UBE2E1: variants seen among roughly 807,000 people sequenced by gnomAD.
UBE2E1 encodes ubiquitin-conjugating enzyme E2 E1.
A neutral mutation model predicts 21.4 loss-of-function variants in UBE2E1; 6 were observed. That is an observed-to-expected ratio of 0.28 (90% confidence interval 0.15 to 0.55). The LOEUF (loss-of-function observed/expected upper bound fraction) is 0.55. Among genes scored for constraint, UBE2E1 ranks in the 20% least tolerant of loss-of-function variants. The pLI, the probability that UBE2E1 is intolerant of heterozygous loss-of-function variation, is 0.93. For synonymous variants in UBE2E1, 87 were observed against 82.7 expected (o/e 1.05, Z -0.28); for missense variants, 142 against 236.5 (o/e 0.60, Z 2.62).
chr3:23,886,845 G>T (rs534844306), intron 3 of UBE2E1, among the ~76,000 whole-genome samples: 6 of 152,156 alleles, frequency 3.9e-5, no homozygotes, highest in Non-Finnish European at 1.5e-5. Flanking sequence ...TGCTGGGTGC[G>T]GTGGCACTCT....
chr3:23,854,243 CA>C (rs754330255), intron 3 of UBE2E1, among the ~76,000 whole-genome samples: 5,120 of 55,678 alleles, frequency 0.092, 62 homozygotes, highest in African/African-American at 0.17. Context: ...GACTCAGTCT[CA>C]AAAAAAAAAA....
chr3:23,886,151 G>T (rs938188010), intron 3 of UBE2E1, among the ~76,000 whole-genome samples: 3 of 152,182 alleles, frequency 2.0e-5, no homozygotes, highest in African/African-American at 4.8e-5. Flanking sequence ...AGTGACCCGA[G>T]ATCATGCCAC....
At chr3:23,889,311 C>T (rs780701553) in intron 5 of UBE2E1, 52 bp downstream of exon 5, 73 of 1,610,856 alleles carry the variant, frequency 4.5e-5, no homozygotes, top group Non-Finnish European at 6.0e-5. Context: ...CTGAAAAATA[C>T]TTGTTTCCAA....
chr3:23,816,370 A>G lies in UBE2E1; in HGVS notation c.203+4860A>G, dbSNP rs1201912043. On this transcript the variant is annotated intron_variant, in intron 3 of 5. Coordinates refer to ENST00000306627, the MANE Select transcript of UBE2E1 (RefSeq NM_003341.5). The surrounding 1 kb of genome is among the most constrained non-coding windows in gnomAD (Gnocchi z 4.8). ...CTGGAATATTCATCTATAAAAAGGA[A>G]TGAAGTTGTGATGCATGGATACAAC... Among the ~76,000 whole-genome samples, 3 of 152,224 alleles carry G rather than the reference A, an allele frequency of 2.0e-5. No individual in the cohort carries two copies. The highest frequency in any genetic ancestry group is 2.1e-4 in the South Asian group (1 of 4,830).
At chr3:23,851,112 ATTC>A (rs892964877) in intron 3 of UBE2E1, among the ~76,000 whole-genome samples, 5 of 152,112 alleles carry the variant, frequency 3.3e-5, no homozygotes, top group African/African-American at 1.2e-4. Context: ...GTTTGTGGCT[ATTC>A]TTTTGTTCCC....
At chr3:23,818,219 G>A (rs1053055017) in intron 3 of UBE2E1, among the ~76,000 whole-genome samples, 1 of 152,142 alleles carries the variant, frequency 6.6e-6, no homozygotes. Context: ...TGGCTTGAGG[G>A]AAAAAGGTTT....
intron 4 of UBE2E1, chr3:23,888,138 G>C (rs1181953732): frequency 2.2e-6 from 1 of 446,868 alleles, no homozygotes; most frequent in Non-Finnish European, 4.5e-6. Context: ...AGGCAGGGCA[G>C]GTCAGGGGGC....
intron 3 of UBE2E1, among the ~76,000 whole-genome samples, chr3:23,821,624 C>A (rs528557795): frequency 1.3e-5 from 2 of 152,162 alleles, no homozygotes; most frequent in Admixed American, 6.5e-5. Context: ...AACACTGGGA[C>A]CTGTTGTTGG....
intron 3 of UBE2E1, among the ~76,000 whole-genome samples, chr3:23,855,345 C>T (rs1405324109): frequency 6.6e-6 from 1 of 151,924 alleles, no homozygotes; most frequent in Non-Finnish European, 1.5e-5. Context: ...CATTATAATA[C>T]CTTCATTAGT....
intron 3 of UBE2E1, among the ~76,000 whole-genome samples, chr3:23,884,004 G>A (rs867359495): frequency 7.2e-5 from 11 of 152,188 alleles, no homozygotes; most frequent in African/African-American, 2.4e-4. Flanking sequence ...GGGCCCACAG[G>A]TTAGGGATCC....
chr3:23,841,854 G>C (rs946880532), intron 3 of UBE2E1, among the ~76,000 whole-genome samples: 1 of 152,170 alleles, frequency 6.6e-6, no homozygotes, highest in Admixed American at 6.5e-5. Context: ...GACTCTCCTA[G>C]ATCTTTTTGT....
intron 3 of UBE2E1, among the ~76,000 whole-genome samples, chr3:23,825,228 G>A (rs1430992182): frequency 6.6e-6 from 1 of 152,110 alleles, no homozygotes; most frequent in Non-Finnish European, 1.5e-5. Flanking sequence ...TCTCCAACCT[G>A]CCCCACCTGT....
chr3:23,834,248 A>G (rs750257412), intron 3 of UBE2E1, among the ~76,000 whole-genome samples: 16 of 152,184 alleles, frequency 1.1e-4, no homozygotes, highest in Non-Finnish European at 2.4e-4. Context: ...CTGCCTCTTG[A>G]TGGCACTATA....
At chr3:23,841,723 C>A (rs1206372568) in intron 3 of UBE2E1, among the ~76,000 whole-genome samples, 3 of 152,160 alleles carry the variant, frequency 2.0e-5, no homozygotes, top group Admixed American at 6.5e-5. Flanking sequence ...CAAAAACAAT[C>A]CCACATGACT....
chr3:23,889,037 A>C, intron 4 of UBE2E1, 75 bp from the exon 5 acceptor site: 2 of 1,461,120 alleles, frequency 1.4e-6, no homozygotes, highest in Non-Finnish European at 1.8e-6. Flanking sequence ...TCACCTTCTT[A>C]AGGGTCATTC....
chr3:23,845,358 G>A (rs1053477858), intron 3 of UBE2E1, among the ~76,000 whole-genome samples: 4 of 152,156 alleles, frequency 2.6e-5, no homozygotes, highest in Non-Finnish European at 5.9e-5. Flanking sequence ...CTTGATAGAA[G>A]GAAGAAAGCC....
At chr3:23,837,872 T>C (rs1436439954) in intron 3 of UBE2E1, among the ~76,000 whole-genome samples, 1 of 152,286 alleles carries the variant, frequency 6.6e-6, no homozygotes, top group Middle Eastern at 3.4e-3. Flanking sequence ...AACTGAGAAT[T>C]AGAAATCTTG....
At chr3:23,890,216 C>G (rs188042824) in intron 5 of UBE2E1, among the ~76,000 whole-genome samples, 211 of 152,120 alleles carry the variant, frequency 1.4e-3, no homozygotes, top group African/African-American at 4.9e-3. Flanking sequence ...TGAACTCAGC[C>G]TAACACATAA....
chr3:23,869,544 A>C (rs1700735695), intron 3 of UBE2E1, among the ~76,000 whole-genome samples: 1 of 151,442 alleles, frequency 6.6e-6, no homozygotes, highest in East Asian at 1.9e-4. Context: ...CAAGTAGTTT[A>C]TTTCCAGGTA....
Sources: allele counts gnomAD v4.1 joint callset (sites outside exome capture counted in the v4.1 genomes callset), GRCh38; gene constraint gnomAD v4.1.1; non-coding constraint Gnocchi (gnomAD v3.1); transcripts MANE v1.5; gene names NCBI Gene and HGNC (gene_info 2026-07-23, HGNC 2026-07-21).